ABCC9: variants seen among roughly 807,000 people sequenced by gnomAD.
The protein encoded by ABCC9 is ATP binding cassette subfamily C member 9, also known as ATP-binding cassette sub-family C member 9.
A neutral mutation model predicts 188.3 loss-of-function variants in ABCC9; 95 were observed. That is an observed-to-expected ratio of 0.50 (90% CI 0.43 to 0.60). The LOEUF (loss-of-function observed/expected upper bound fraction) is 0.60, where lower values mean the gene tolerates loss of function less well. Among genes scored for constraint, ABCC9 ranks in the 20% least tolerant of loss-of-function variants. ABCC9 has a pLI of 0.00. For missense variants in ABCC9, 1,102 were observed against 1,876.3 expected, an observed-to-expected ratio of 0.59 and a Z score of 7.62; for synonymous variants, 659 against 652.7, an observed-to-expected ratio of 1.01 and a Z score of -0.15.
intron 22 of ABCC9, among the ~76,000 whole-genome samples, chr12:21,853,835 A>C (rs565341689): frequency 6.6e-6 from 1 of 152,296 alleles, no homozygotes; most frequent in East Asian, 1.9e-4. Context: ...CAGGGAATGA[A>C]AGAAACTGAG....
chr12:21,934,307 C>T (rs368442852), intron 3 of ABCC9, among the ~76,000 whole-genome samples: 1 of 152,118 alleles, frequency 6.6e-6, no homozygotes, highest in East Asian at 1.9e-4. Context: ...ATGAAATCTA[C>T]AAGGGGCTAA....
intron 12 of ABCC9, among the ~76,000 whole-genome samples, chr12:21,898,278 T>A (rs1043348722): frequency 1.3e-5 from 2 of 152,220 alleles, no homozygotes; most frequent in Admixed American, 6.5e-5. Context: ...TCAATATATC[T>A]TTGTTGTTGT....
intron 30 of ABCC9, among the ~76,000 whole-genome samples, chr12:21,830,339 T>A (rs769313916): frequency 3.3e-5 from 5 of 152,208 alleles, no homozygotes; most frequent in Non-Finnish European, 7.3e-5. Flanking sequence ...AATAACTGGT[T>A]TGAAGGTAGG....
chr12:21,932,296 T>G (rs1949320547), intron 4 of ABCC9, among the ~76,000 whole-genome samples: 1 of 151,866 alleles, frequency 6.6e-6, no homozygotes, highest in South Asian at 2.1e-4. Context: ...AAAATATGGG[T>G]TTTTAAAACT....
At chr12:21,918,776 CCA>C (rs1329449881) in intron 5 of ABCC9, among the ~76,000 whole-genome samples, 13 of 152,180 alleles carry the variant, frequency 8.5e-5, no homozygotes, top group African/African-American at 3.1e-4. Flanking sequence ...TTCCTCCATG[CCA>C]CAGTCTAGTG....
In ABCC9 at chr12:21,872,670, A is replaced by G; in HGVS notation, c.2153T>C (p.Ile718Thr). The stretch of plus-strand genomic sequence containing the variant: ...TTCCAATGTCTGCATCTCACCGAGG[A>G]TGGCAAGGAGAAGAGAGGACTTCCC... ...GCGKSSLLLAILGEMQTLEGK... is the reference protein window; with the variant it reads ...GCGKSSLLLATLGEMQTLEGK... The change falls in exon 18 of 40, where the codon ATC becomes ACC. Residue 718 changes from isoleucine (I) to threonine (T), a missense_variant. Around this residue, in one of 12 missense-constraint regions of ABCC9, gnomAD observed 258 missense variants for 325.6 expected, o/e 0.79. Coordinates refer to ENST00000261200, the MANE Select transcript of ABCC9 (RefSeq NM_020297.4). 1.2e-6 allele frequency: 2 copies of G among 1,613,908 alleles called. No homozygotes were observed.
rs532319691 is a variant in ABCC9, at chr12:21,858,613, C to T, written c.2505+973G>A. ...AAAAAATCTACAATTACATAGGCTA[C>T]TGTTAGATCCTGCAATGGCTTTCAT... On this transcript the variant is annotated intron_variant, in intron 22 of 39. Coordinates refer to ENST00000261200, the MANE Select transcript of ABCC9 (RefSeq NM_020297.4). 2.8e-3 allele frequency among the ~76,000 whole-genome samples: 424 copies of T among 151,754 alleles called. 3 individuals are homozygous for T. Among genetic ancestry groups the T allele is most frequent in the Non-Finnish European group, 4.3e-3 (295 of 67,866 alleles).
intron 34 of ABCC9, among the ~76,000 whole-genome samples, 159 bp from the exon 35 acceptor site, chr12:21,814,881 T>G (rs559600106): frequency 7.9e-5 from 12 of 152,304 alleles, no homozygotes; most frequent in African/African-American, 2.9e-4. Flanking sequence ...ACATTATGAA[T>G]TATTCTCAAG....
At position 21,915,496 on chromosome 12, in the gene ABCC9, G is replaced by GTA. The variant is rs1308868546; in HGVS notation, c.816+171_816+172insTA. On this transcript the variant is annotated intron_variant, in intron 7 of 39. Transcript: ENST00000261200. ...TGTATATATGTGTGTGTGTGTGTGTGTGTGTATATATATATATATTTTTTT... is the reference window on the plus strand; with the variant it reads ...TGTATATATGTGTGTGTGTGTGTGTGTATGTGTATATATATATATATTTTTTT... 4.2e-3 allele frequency among the ~76,000 whole-genome samples: 23 copies of GTA among 5,428 alleles called. 1 individual carries two copies. Among genetic ancestry groups the GTA allele is most frequent in the African/African-American group, 6.1e-3 (13 of 2,126 alleles). The allele number at this position is 5,428 out of a possible 152,430, so 3.6% of individuals were successfully genotyped here. A position where few individuals can be genotyped will look rare whatever the true frequency, so the allele number is the denominator to read the frequency against.
intron 24 of ABCC9, 72 bp from the exon 25 acceptor site, chr12:21,848,318 C>G: frequency 3.0e-6 from 4 of 1,331,706 alleles, no homozygotes; most frequent in Non-Finnish European, 4.3e-6. Flanking sequence ...GAATGACTCA[C>G]ACGTGTAAAT....
intron 12 of ABCC9, among the ~76,000 whole-genome samples, chr12:21,901,844 C>T (rs1947769330): frequency 6.6e-6 from 1 of 152,114 alleles, no homozygotes; most frequent in Admixed American, 6.5e-5. Flanking sequence ...GAGTTCCACA[C>T]AATAATAATG....
chr12:21,939,648 G>A (rs2138097925), intron 2 of ABCC9, among the ~76,000 whole-genome samples: 1 of 152,202 alleles, frequency 6.6e-6, no homozygotes, highest in South Asian at 2.1e-4. Context: ...GCATCAAGGA[G>A]AGAGAGAGAA....
In ABCC9 at chr12:21,926,058, C is replaced by T. The variant is rs778951072; in HGVS notation, c.290G>A (p.Arg97Gln). The change falls in exon 5 of 40, where the codon CGG becomes CAG. Residue 97 changes from arginine to glutamine, a missense_variant. By Grantham distance (43) the Arg-to-Gln change is conservative. This residue lies in a region of ABCC9 where 305 missense variants were observed against 573.0 expected (regional missense o/e 0.53). Transcript: ENST00000261200. ...IAEGIVSDSR[R>Q]ESRHLHLFMP... ...AAAGAGGTGGAGGTGCCTTGATTCC[C>T]GCCGCCTAGAAAGAGCAGTACGTCA... 6.8e-6 allele frequency: 11 copies of T among 1,614,036 alleles called. No individual in the cohort carries two copies. Among genetic ancestry groups the T allele is most frequent in the African/African-American group, 1.3e-5 (1 of 75,008 alleles).
In ABCC9 at chr12:21,853,003, A is replaced by G. The variant is rs140761739; in HGVS notation, c.2506-498T>C. Among the ~76,000 whole-genome samples, 45 of 152,308 alleles carry G rather than the reference A, an allele frequency of 3.0e-4. No homozygotes were observed. The East Asian group carries it at 8.7e-3, about 29-fold the overall frequency. On this transcript the variant is annotated intron_variant, in intron 22 of 39. Transcript: ENST00000261200. ...AGATAATTGTACTTGAATTCTAGAT[A>G]ACAAAACTAGGTATAGAAAATGTTA...
intron 31 of ABCC9, chr12:21,827,397 T>A: frequency 2.5e-6 from 2 of 806,200 alleles, no homozygotes; most frequent in Non-Finnish European, 3.0e-6. Context: ...ATACTTGATC[T>A]TCAAGTTCAG....
intron 39 of ABCC9, among the ~76,000 whole-genome samples, chr12:21,803,314 T>C (rs570821877): frequency 8.5e-4 from 130 of 152,084 alleles, no homozygotes; most frequent in African/African-American, 3.0e-3. Context: ...TATAATCTTA[T>C]AAACATTGCA....
intron 39 of ABCC9, among the ~76,000 whole-genome samples, chr12:21,804,515 C>G (rs1413894220): frequency 6.6e-6 from 1 of 152,178 alleles, no homozygotes; most frequent in Non-Finnish European, 1.5e-5. Context: ...TTCAAGTTAA[C>G]CAATTCTCCT....
At chr12:21,810,636 G>A (rs992202457) in intron 36 of ABCC9, among the ~76,000 whole-genome samples, 1 of 152,028 alleles carries the variant, frequency 6.6e-6, no homozygotes, top group African/African-American at 2.4e-5. Flanking sequence ...GGGGGTAACC[G>A]CCCCCATGAT....
At position 21,828,982 on chromosome 12, in the gene ABCC9, G is replaced by A. The variant is rs188944145; in HGVS notation, c.3645C>T (p.Ala1215=). ...NNIAYLFLSA[A]NRWLEVRTDY... ...CCGTCCTGACCTCCAGCCATCTGTT[G>A]GCAGCTGAGAGAAATAAGTAGGCAA... The change falls in exon 31 of 40, where the codon GCC becomes GCT. Residue 1215 remains alanine (A), a synonymous_variant. Transcript: ENST00000261200. The A allele has an allele frequency of 3.1e-6, 5 of 1,613,900 alleles. No individual in the cohort carries two copies. The highest frequency in any genetic ancestry group is 1.3e-5 in the African/African-American group (1 of 75,004).
Sources: gnomAD v4.1 joint callset for allele counts (sites outside exome capture counted in the v4.1 genomes callset) on GRCh38, gnomAD v4.1.1 for gene constraint, gnomAD v4.1.1 regional missense constraint, MANE v1.5 for transcripts, NCBI Gene and HGNC (gene_info 2026-07-23, HGNC 2026-07-21) for gene names.